FNIP1: variants seen among roughly 807,000 people sequenced by gnomAD.
FNIP1 encodes the protein folliculin-interacting protein 1.
In FNIP1, 40 loss-of-function variants were observed where a neutral mutation model predicts 124.5. The observed-to-expected ratio is 0.32, with a 90% CI of 0.25 to 0.42. The LOEUF (loss-of-function observed/expected upper bound fraction) is 0.42, where lower values mean the gene tolerates loss of function less well. Ranked by LOEUF, FNIP1 falls within the 10% of genes least tolerant of loss-of-function variation. FNIP1 has a pLI of 1.00. For missense variants in FNIP1, 1,176 were observed against 1,403.7 expected (o/e 0.84, Z 2.59); for synonymous variants, 472 against 470.6 (o/e 1.00, Z -0.04).
intron 1 of FNIP1, among the ~76,000 whole-genome samples, chr5:131,790,454 G>A (rs528940714): frequency 1.5e-5 from 2 of 135,498 alleles, no homozygotes; most frequent in East Asian, 4.4e-4. Context: ...TCTCCCGCCT[G>A]GGCGATAGAG....
At chr5:131,715,600 C>A (rs1490129624) in intron 6 of FNIP1, among the ~76,000 whole-genome samples, 1 of 152,082 alleles carries the variant, frequency 6.6e-6, no homozygotes, top group Non-Finnish European at 1.5e-5. Context: ...TTCTTTGTCA[C>A]ATTTTTCCTT....
At chr5:131,667,263 C>T (rs916205023) in intron 15 of FNIP1, among the ~76,000 whole-genome samples, 1 of 152,098 alleles carries the variant, frequency 6.6e-6, no homozygotes, top group Non-Finnish European at 1.5e-5. Flanking sequence ...TACATATATC[C>T]CTTGGAGTAC....
chr5:131,757,187 A>AG (rs1459990894), intron 1 of FNIP1, among the ~76,000 whole-genome samples: 1 of 152,196 alleles, frequency 6.6e-6, no homozygotes, highest in Non-Finnish European at 1.5e-5. Context: ...GAGAGATCAA[A>AG]GGATATGAAG....
rs1768558048 is a variant in FNIP1, at chr5:131,693,317, CACATATATATATATACATATATATAT to C, written c.1202+5574_1202+5599del. On this transcript the variant is annotated intron_variant, in intron 11 of 17. Coordinates refer to ENST00000510461, the MANE Select transcript of FNIP1 (RefSeq NM_133372.3). Reference sequence around the variant, plus strand: ...ATATACATATATATATATATATATACACATATATATATATACATATATATATATATATATATATATATATAGTTACA... The same window carrying C: ...ATATACATATATATATATATATATACATATATATATATATATATAGTTACA... 2.4e-3 allele frequency among the ~76,000 whole-genome samples: 98 copies of C among 41,596 alleles called. 2 individuals are homozygous for C. In the South Asian group the frequency reaches 0.025, roughly 11 times the overall value. 27.3% of individuals were successfully genotyped at this position (41,596 alleles called of 152,430 possible).
In FNIP1 at chr5:131,679,189, G is replaced by A; in HGVS notation, c.1203-14C>T. ...CAAATTGTTGTTCTAAAAAGAGGAA[G>A]ACACATTATGAAATGTATAGTTCCA... On this transcript the variant is annotated splice_polypyrimidine_tract_variant and intron_variant, in intron 11 of 17. Coordinates refer to ENST00000510461, the MANE Select transcript of FNIP1 (RefSeq NM_133372.3). The A allele has an allele frequency of 6.8e-7, 1 of 1,466,502 alleles. No homozygotes were observed. The highest frequency in any genetic ancestry group is 1.2e-5 in the South Asian group (1 of 86,050). 90.8% of individuals were successfully genotyped at this position (1,466,502 alleles called of 1,614,324 possible). A position where few individuals can be genotyped will look rare whatever the true frequency, so the allele number is the denominator to read the frequency against.
At chr5:131,662,969 C>T (rs1276355920) in intron 15 of FNIP1, among the ~76,000 whole-genome samples, 1 of 152,074 alleles carries the variant, frequency 6.6e-6, no homozygotes, top group Non-Finnish European at 1.5e-5. Context: ...TCTTGAACTC[C>T]TGACCTCAGG....
chr5:131,729,084 T>C (rs1335322507), intron 3 of FNIP1, among the ~76,000 whole-genome samples: 3 of 152,098 alleles, frequency 2.0e-5, no homozygotes, highest in Non-Finnish European at 2.9e-5. Context: ...CCCTGCCAGA[T>C]GCCAGCCGGA....
intron 3 of FNIP1, among the ~76,000 whole-genome samples, chr5:131,727,794 A>G (rs1769936339): frequency 6.6e-6 from 1 of 152,108 alleles, no homozygotes; most frequent in African/African-American, 2.4e-5. Context: ...ACAATTTCAT[A>G]TGTTTTTGCA....
chr5:131,724,554 GTTGT>G (rs1769790615), intron 3 of FNIP1, among the ~76,000 whole-genome samples: 1 of 152,194 alleles, frequency 6.6e-6, no homozygotes, highest in South Asian at 2.1e-4. Flanking sequence ...TTTTGATGGG[GTTGT>G]TTGTTTCTTG....
chr5:131,702,318 T>C (rs1768930066), intron 10 of FNIP1, among the ~76,000 whole-genome samples: 1 of 152,096 alleles, frequency 6.6e-6, no homozygotes, highest in African/African-American at 2.4e-5. Flanking sequence ...CTGAGACTAC[T>C]AGTGTGCTCC....
At chr5:131,722,685 T>A (rs1395813410) in intron 3 of FNIP1, among the ~76,000 whole-genome samples, 3 of 152,120 alleles carry the variant, frequency 2.0e-5, no homozygotes, top group African/African-American at 4.8e-5. Flanking sequence ...TATTTTTATA[T>A]CAGTTTCACA....
At chr5:131,708,817 C>G (rs1480404831) in intron 8 of FNIP1, among the ~76,000 whole-genome samples, 2 of 150,694 alleles carry the variant, frequency 1.3e-5, no homozygotes, top group African/African-American at 2.4e-5. Context: ...AACATTGATT[C>G]AAAATGCCTA....
chr5:131,645,459 A>C (rs10074262), intron 17 of FNIP1, among the ~76,000 whole-genome samples: 4 of 152,208 alleles, frequency 2.6e-5, no homozygotes, highest in African/African-American at 9.7e-5. Context: ...GCCAACCAAC[A>C]TAGAAAATAT....
At chr5:131,779,698 AAAAAAGAAAAG>A (rs1359992520) in intron 1 of FNIP1, among the ~76,000 whole-genome samples, 1 of 151,416 alleles carries the variant, frequency 6.6e-6, no homozygotes, top group Non-Finnish European at 1.5e-5. Flanking sequence ...AAAAAAAAAA[AAAAAAGAAAAG>A]AAAAAGAAAT....
At chr5:131,706,697 T>C in intron 8 of FNIP1, 151 bp from the exon 9 acceptor site, 1 of 795,552 alleles carries the variant, frequency 1.3e-6, no homozygotes, top group South Asian at 2.7e-5. Flanking sequence ...ATCCTTCTTG[T>C]AGCAAGGTCT....
At chr5:131,723,039 T>C (rs548095483) in intron 3 of FNIP1, among the ~76,000 whole-genome samples, 24 of 152,330 alleles carry the variant, frequency 1.6e-4, no homozygotes, top group African/African-American at 5.8e-4. Flanking sequence ...GTTACTAATA[T>C]ACAAAGCAAC....
At chr5:131,695,113 A>G (rs1403089875) in intron 11 of FNIP1, among the ~76,000 whole-genome samples, 1 of 89,586 alleles carries the variant, frequency 1.1e-5, no homozygotes, top group African/African-American at 4.8e-5. Context: ...TCAAATAAAT[A>G]AATAAATAAA....
Position 131,644,184 on chromosome 5 carries a change from T to G in FNIP1, c.*501A>C, listed in dbSNP as rs1357333908. ...TCTGAGTTTCTTATAATTAACAGGC[T>G]GTTTAAAATACTTACTTTGAGAAAT... is the stretch of plus-strand genomic sequence containing the variant. On this transcript the variant is annotated 3_prime_UTR_variant, in exon 18 of 18. Coordinates refer to ENST00000510461, the MANE Select transcript of FNIP1 (RefSeq NM_133372.3). 1 of 152,530 alleles carries G rather than the reference T, an allele frequency of 6.6e-6. No individual in the cohort carries two copies. The highest frequency in any genetic ancestry group is 1.5e-5 in the Non-Finnish European group (1 of 68,180). 9.4% of individuals were successfully genotyped at this position (152,530 alleles called of 1,614,324 possible).
chr5:131,660,849 C>T (rs1037632626), intron 15 of FNIP1, among the ~76,000 whole-genome samples: 2 of 152,218 alleles, frequency 1.3e-5, no homozygotes, highest in African/African-American at 4.8e-5. Flanking sequence ...CTGCGTAGTT[C>T]TCTTGGACTG....
Sources: allele counts gnomAD v4.1 joint callset (sites outside exome capture counted in the v4.1 genomes callset), GRCh38; gene constraint gnomAD v4.1.1; transcripts MANE v1.5; gene names NCBI Gene and HGNC (gene_info 2026-07-23, HGNC 2026-07-21).